DNAJB1: variants seen among roughly 807,000 people sequenced by gnomAD.
The protein encoded by DNAJB1 is dnaJ homolog subfamily B member 1.
A neutral mutation model predicts 24.0 loss-of-function variants in DNAJB1; 14 were observed. The ratio of observed to expected loss-of-function variants is 0.58; its 90% CI spans 0.39 to 0.91. DNAJB1 has a LOEUF of 0.91. Ranked by LOEUF, DNAJB1 falls within the 40% of genes least tolerant of loss-of-function variation. The pLI is 0.00. For missense variants in DNAJB1, 517 were observed against 458.1 expected (o/e 1.13, Z -1.17); for synonymous variants, 262 against 174.4 (o/e 1.50, Z -3.96).
intron 2 of DNAJB1, among the ~76,000 whole-genome samples, chr19:14,525,504 A>T (rs1008800829): frequency 1.3e-5 from 2 of 152,136 alleles, no homozygotes; most frequent in East Asian, 3.9e-4. Context: ...AGCTACGGAT[A>T]CAAAAAAACA....
chr19:14,534,739 G>T (rs2072803424), upstream of DNAJB1, among the ~76,000 whole-genome samples: 1 of 152,098 alleles, frequency 6.6e-6, no homozygotes, highest in South Asian at 2.1e-4. Context: ...ACCTTGCCCA[G>T]GGGTGAGTCT....
At chr19:14,544,075 G>A (rs2073219631) in intron 1 of DNAJB1, among the ~76,000 whole-genome samples, 1 of 152,020 alleles carries the variant, frequency 6.6e-6, no homozygotes, top group South Asian at 2.1e-4. Context: ...GCCAGGGGTG[G>A]GGGATCCACA....
At chr19:14,552,666 C>A (rs1310402185), upstream of DNAJB1, among the ~76,000 whole-genome samples, 1 of 151,956 alleles carries the variant, frequency 6.6e-6, no homozygotes, top group East Asian at 1.9e-4. Context: ...TCCCGAGTAG[C>A]TGGGACTACA....
intron 1 of DNAJB1, among the ~76,000 whole-genome samples, chr19:14,547,386 A>G (rs1418066579): frequency 6.6e-6 from 1 of 151,962 alleles, no homozygotes; most frequent in African/African-American, 2.4e-5. Flanking sequence ...TTTGAGACAG[A>G]GTCTCAGTCT....
rs141580276 is a variant in DNAJB1, at chr19:14,518,149, G to A, written c.201C>T (p.Tyr67=). The A allele has an allele frequency of 1.5e-5, 23 of 1,570,838 alleles. No homozygotes were observed. The highest frequency in any genetic ancestry group is 3.7e-5 in the Admixed American group (2 of 54,032). ...DPRKREIFDR[Y]GEEGLKGSGP... is the part of the protein sequence containing the mutation. ...GCCGCGAGCACACACCTTCCTCCCC[G>A]TAGCGGTCGAAGATCTCGCGCTTGC... Residue 67 remains tyrosine, a synonymous_variant, in exon 1 of 3, where the codon TAC becomes TAT. Transcript: ENST00000254322.
upstream of DNAJB1, among the ~76,000 whole-genome samples, chr19:14,522,730 A>ACACT (rs1568383690): frequency 2.8e-5 from 4 of 141,732 alleles, no homozygotes; most frequent in Admixed American, 7.1e-5. Flanking sequence ...ACACACACAC[A>ACACT]CTCCTACTGG....
At chr19:14,516,256 C>A in intron 2 of DNAJB1, 86 bp from the exon 3 acceptor site, 1 of 1,467,062 alleles carries the variant, frequency 6.8e-7, no homozygotes, top group Non-Finnish European at 9.3e-7. Flanking sequence ...TAGATAAGAC[C>A]CATCAGGCCT....
intron 1 of DNAJB1, among the ~76,000 whole-genome samples, chr19:14,558,536 C>T (rs1331605949): frequency 3.3e-5 from 5 of 152,164 alleles, no homozygotes; most frequent in Admixed American, 2.6e-4. Flanking sequence ...GAGAATTCCT[C>T]TCAGGCTAGT....
chr19:14,522,695 C>CAG (rs1568383659), upstream of DNAJB1, among the ~76,000 whole-genome samples: 8 of 145,568 alleles, frequency 5.5e-5, no homozygotes, highest in African/African-American at 7.9e-5. Flanking sequence ...CACACACACA[C>CAG]ACACACACAC....
chr19:14,549,442 G>C (rs2073419436), intron 1 of DNAJB1, among the ~76,000 whole-genome samples: 1 of 151,890 alleles, frequency 6.6e-6, no homozygotes, highest in African/African-American at 2.4e-5. Context: ...TGAACTCCTA[G>C]TCTTGAAGAC....
rs751650878 is a variant in DNAJB1 at position 14,515,019 on chromosome 19, T to C, written c.*921A>G. On this transcript the variant is annotated 3_prime_UTR_variant, in exon 3 of 3. Transcript: ENST00000254322. ...TGTACACCAACTATACATGGAATTA[T>C]AAAAACATATTTACAGACGTTCCAC... is the stretch of plus-strand genomic sequence containing the variant. 6.6e-6 allele frequency: 1 copy of C among 152,574 alleles called. No homozygotes were observed. The highest frequency in any genetic ancestry group is 2.4e-5 in the African/African-American group (1 of 41,446). The allele number at this position is 152,574 out of a possible 1,614,324, so 9.5% of individuals were successfully genotyped here.
chr19:14,517,829 C>G (rs764224642), intron 1 of DNAJB1: 14 of 284,646 alleles, frequency 4.9e-5, no homozygotes, highest in Non-Finnish European at 9.2e-5. Context: ...GCGCCGTCCC[C>G]GTCGTCACCC....
At chr19:14,525,021 G>A (rs1156348609) in intron 2 of DNAJB1, among the ~76,000 whole-genome samples, 2 of 152,048 alleles carry the variant, frequency 1.3e-5, no homozygotes, top group African/African-American at 2.4e-5. Flanking sequence ...GGATCACAAG[G>A]TCAAGAGATG....
At chr19:14,553,005 T>G (rs2073589839), upstream of DNAJB1, among the ~76,000 whole-genome samples, 1 of 151,950 alleles carries the variant, frequency 6.6e-6, no homozygotes. Context: ...ACCGCAGGGA[T>G]GGGTGTAGGC....
intron 1 of DNAJB1, among the ~76,000 whole-genome samples, chr19:14,548,704 A>G (rs1239074429): frequency 6.6e-6 from 1 of 152,140 alleles, no homozygotes; most frequent in South Asian, 2.1e-4. Context: ...CAGCCTCCCA[A>G]GTAGCTGGGA....
chr19:14,518,404 G>C, upstream of DNAJB1: 1 of 1,494,746 alleles, frequency 6.7e-7, no homozygotes, highest in Non-Finnish European at 8.9e-7. Flanking sequence ...CTCCGCCGCC[G>C]ACCAGTCCCG....
chr19:14,542,989 CT>C (rs572624462), intron 1 of DNAJB1, among the ~76,000 whole-genome samples: 2,541 of 102,048 alleles, frequency 0.025, 48 homozygotes, highest in African/African-American at 0.068. Context: ...CTTCCAAATT[CT>C]TTTTTTTTTT....
At chr19:14,555,464 T>TA (rs1266005098) in intron 1 of DNAJB1, among the ~76,000 whole-genome samples, 18 of 136,580 alleles carry the variant, frequency 1.3e-4, no homozygotes, top group Non-Finnish European at 2.8e-4. Context: ...TTTTTTTTTT[T>TA]AGACAGAGCC....
At chr19:14,519,543 T>G (rs1412099213), upstream of DNAJB1, among the ~76,000 whole-genome samples, 1 of 152,176 alleles carries the variant, frequency 6.6e-6, no homozygotes, top group Admixed American at 6.6e-5. Flanking sequence ...CAGTCCCGCC[T>G]TCTTCCCTTT....
Sources: allele counts gnomAD v4.1 joint callset (sites outside exome capture counted in the v4.1 genomes callset), GRCh38; gene constraint gnomAD v4.1.1; transcripts MANE v1.5; gene names NCBI Gene and HGNC (gene_info 2026-07-23, HGNC 2026-07-21).